CTBP2: variants seen among roughly 807,000 people sequenced by gnomAD.
CTBP2 encodes C-terminal binding protein 2, also known as C-terminal-binding protein 2.
CTBP2 carries 30 observed loss-of-function variants against 80.3 expected under a neutral mutation model. That is an observed-to-expected ratio of 0.37 (90% CI 0.28 to 0.51). The LOEUF is 0.51. Among genes scored for constraint, CTBP2 ranks in the 20% least tolerant of loss-of-function variants. CTBP2 has a pLI of 0.93. For synonymous variants in CTBP2, 594 were observed against 587.4 expected (o/e 1.01, Z -0.16); for missense variants, 1,212 against 1,375.3 (o/e 0.88, Z 1.88).
At chr10:125,022,568 G>A (rs980992012) in intron 1 of CTBP2, among the ~76,000 whole-genome samples, 2 of 152,264 alleles carry the variant, frequency 1.3e-5, no homozygotes, top group African/African-American at 2.4e-5. Flanking sequence ...CTAAGCTCAC[G>A]CTGGGCTCTG....
intron 2 of CTBP2, among the ~76,000 whole-genome samples, chr10:125,098,738 GAGAGAGAGAGAC>G (rs1184755975): frequency 0.033 from 3,350 of 101,142 alleles, 150 homozygotes; most frequent in Middle Eastern, 0.056. Context: ...GAGAGAGAGA[GAGAGAGAGAGAC>G]AGAGAGAGAG....
chr10:125,153,760 A>C (rs1487178488), intron 1 of CTBP2, among the ~76,000 whole-genome samples: 1 of 152,216 alleles, frequency 6.6e-6, no homozygotes, highest in Non-Finnish European at 1.5e-5. Flanking sequence ...AGAGGAGTTG[A>C]TCTCCCTCCA....
Position 125,152,358 on chromosome 10 carries a change from G to T in CTBP2, c.-206+7961C>A, listed in dbSNP as rs1034987688. 8.4e-4 allele frequency among the ~76,000 whole-genome samples: 128 copies of T among 152,282 alleles called. 1 individual carries two copies. Among genetic ancestry groups the T allele is most frequent in the African/African-American group, 3.0e-3 (125 of 41,572 alleles). ...AGGTAGAGCGCGGCCAGGTGTGGCG[G>T]ACTGGCGCTCCCCGCAACAGAAGGT... On this transcript the variant is annotated intron_variant, in intron 1 of 10. Coordinates refer to the CTBP2 transcript ENST00000337195.
chr10:125,133,821 C>T (rs963503903), intron 1 of CTBP2, among the ~76,000 whole-genome samples: 10 of 152,210 alleles, frequency 6.6e-5, no homozygotes, highest in African/African-American at 2.4e-4. Context: ...ATCTCTCCTC[C>T]ACACTGTGAG....
At chr10:125,130,995 C>G (rs1002720468) in intron 1 of CTBP2, among the ~76,000 whole-genome samples, 1 of 152,120 alleles carries the variant, frequency 6.6e-6, no homozygotes, top group South Asian at 2.1e-4. Flanking sequence ...AGCCAAGACA[C>G]GATCAGCTCT....
chr10:125,092,137 T>C (rs1848847429), intron 2 of CTBP2, among the ~76,000 whole-genome samples: 1 of 151,776 alleles, frequency 6.6e-6, no homozygotes, highest in African/African-American at 2.4e-5. Flanking sequence ...GGAAGGGAGA[T>C]TACTAGGTCA....
intron 1 of CTBP2, among the ~76,000 whole-genome samples, chr10:125,116,445 C>T (rs1485069728): frequency 6.6e-6 from 1 of 152,090 alleles, no homozygotes; most frequent in East Asian, 1.9e-4. Context: ...TCCCCACACT[C>T]TGCCCCTCCT....
chr10:125,030,803 A>G (rs1049188496), upstream of CTBP2, among the ~76,000 whole-genome samples: 1 of 152,150 alleles, frequency 6.6e-6, no homozygotes, highest in African/African-American at 2.4e-5. Context: ...CATTCTCAGG[A>G]GGCAACTTAA....
chr10:125,081,469 T>G (rs1275420824), intron 2 of CTBP2, among the ~76,000 whole-genome samples: 1 of 152,242 alleles, frequency 6.6e-6, no homozygotes, highest in East Asian at 1.9e-4. Flanking sequence ...CCTAAATACT[T>G]TAGCCTTATA....
chr10:125,106,525 C>A (rs1412425746), intron 2 of CTBP2, among the ~76,000 whole-genome samples: 1 of 152,182 alleles, frequency 6.6e-6, no homozygotes, highest in East Asian at 1.9e-4. Context: ...AAATGGGGGT[C>A]TTGGGAAGGG....
At chr10:125,038,237 GC>G (rs1297029804) in intron 3 of CTBP2, among the ~76,000 whole-genome samples, 1 of 152,186 alleles carries the variant, frequency 6.6e-6, no homozygotes, top group African/African-American at 2.4e-5. Context: ...TGGTGGGTCA[GC>G]TACTAAACTT....
At chr10:125,119,455 C>T (rs1332277578) in intron 1 of CTBP2, among the ~76,000 whole-genome samples, 2 of 152,336 alleles carry the variant, frequency 1.3e-5, no homozygotes, top group East Asian at 3.9e-4. Flanking sequence ...GATAAATTTT[C>T]TCCTGATAGA....
chr10:125,028,381 G>A (rs751178932), upstream of CTBP2, among the ~76,000 whole-genome samples: 6 of 152,132 alleles, frequency 3.9e-5, no homozygotes, highest in East Asian at 1.9e-4. Context: ...TTAATCCACC[G>A]TGATGAAACG....
chr10:125,098,746 G>GACAA (rs753757298), intron 2 of CTBP2, among the ~76,000 whole-genome samples: 20 of 79,298 alleles, frequency 2.5e-4, no homozygotes, highest in Admixed American at 1.6e-3. Context: ...GAGAGAGAGA[G>GACAA]AGACAGAGAG....
chr10:125,046,387 A>T (rs75196297), intron 2 of CTBP2, among the ~76,000 whole-genome samples: 3,552 of 151,982 alleles, frequency 0.023, 102 homozygotes, highest in African/African-American at 0.073. Context: ...AAATACAAAA[A>T]ATTAGCCAGG....
chr10:125,109,057 A>C (rs1339472160), intron 2 of CTBP2, among the ~76,000 whole-genome samples: 1 of 152,228 alleles, frequency 6.6e-6, no homozygotes, highest in East Asian at 1.9e-4. Context: ...GATCACTGCT[A>C]AACAGGATCC....
intron 1 of CTBP2, among the ~76,000 whole-genome samples, chr10:125,117,096 C>A (rs1366330633): frequency 6.6e-6 from 1 of 152,242 alleles, no homozygotes; most frequent in African/African-American, 2.4e-5. Context: ...TGTGTGTGAA[C>A]ACGGGCCACA....
intron 1 of CTBP2, among the ~76,000 whole-genome samples, chr10:125,018,095 G>T (rs1324415872): frequency 6.6e-6 from 1 of 152,226 alleles, no homozygotes; most frequent in African/African-American, 2.4e-5. Context: ...CTAATGCACC[G>T]TGCCTGAGGA....
intron 1 of CTBP2, among the ~76,000 whole-genome samples, chr10:125,119,080 C>T (rs945670068): frequency 6.6e-6 from 1 of 152,194 alleles, no homozygotes; most frequent in Non-Finnish European, 1.5e-5. Flanking sequence ...TTTCTGAGCT[C>T]CTTTCCACAG....
Sources: gnomAD v4.1 joint callset for allele counts (sites outside exome capture counted in the v4.1 genomes callset) on GRCh38, gnomAD v4.1.1 for gene constraint, MANE v1.5 for transcripts, NCBI Gene and HGNC (gene_info 2026-07-23, HGNC 2026-07-21) for gene names.